The following FNDC3A variants were observed in gnomAD, a reference collection of about 807,000 sequenced individuals.
FNDC3A encodes the protein fibronectin type III domain containing 3A.
A neutral mutation model predicts 148.9 loss-of-function variants in FNDC3A; 32 were observed. The observed-to-expected ratio is 0.21, with a 90% CI of 0.16 to 0.29. FNDC3A has a LOEUF of 0.29. FNDC3A is among the 10% of genes least tolerant of loss of function. The pLI is 1.00. For missense variants in FNDC3A, 1,191 were observed against 1,452.8 expected, an observed-to-expected ratio of 0.82 and a Z score of 2.93; for synonymous variants, 472 against 473.6, an observed-to-expected ratio of 1.00 and a Z score of 0.04.
chr13:49,009,526 G>C (rs1952293358), intron 2 of FNDC3A, among the ~76,000 whole-genome samples: 1 of 152,296 alleles, frequency 6.6e-6, no homozygotes, highest in African/African-American at 2.4e-5. Context: ...TTAGTTTTGT[G>C]AGAAACTACC....
At position 49,030,459 on chromosome 13, in the gene FNDC3A, A is replaced by G. The variant is rs188564437; in HGVS notation, c.99+24170A>G. On this transcript the variant is annotated intron_variant, in intron 2 of 25. Transcript: ENST00000492622. ...ATGCTTTTCCTCTAAGATGAGAAACAAGATATGGATGTCCTGCTGTCACCA... is the reference window on the plus strand; with the variant it reads ...ATGCTTTTCCTCTAAGATGAGAAACGAGATATGGATGTCCTGCTGTCACCA... Among the ~76,000 whole-genome samples, 101 of 152,324 alleles carry G rather than the reference A, an allele frequency of 6.6e-4. 1 individual carries two copies. The East Asian group carries it at 0.018, about 26-fold the overall frequency.
chr13:48,992,807 A>G (rs2137570154), intron 1 of FNDC3A, among the ~76,000 whole-genome samples: 1 of 152,270 alleles, frequency 6.6e-6, no homozygotes, highest in East Asian at 1.9e-4. Context: ...ATTGCTTTCA[A>G]TTAAAAGTAC....
chr13:48,980,344 G>A (rs1928111), intron 1 of FNDC3A, among the ~76,000 whole-genome samples: 1 of 151,984 alleles, frequency 6.6e-6, no homozygotes, highest in South Asian at 2.1e-4. Flanking sequence ...TGACAACAGA[G>A]GAGCAGGCAG....
intron 4 of FNDC3A, among the ~76,000 whole-genome samples, chr13:49,119,260 G>A (rs1881174617): frequency 6.6e-6 from 1 of 152,174 alleles, no homozygotes; most frequent in South Asian, 2.1e-4. Flanking sequence ...TGCCGCAGAG[G>A]GGCCTGACTA....
At chr13:49,065,239 T>G (rs1343563018) in intron 2 of FNDC3A, among the ~76,000 whole-genome samples, 1 of 152,168 alleles carries the variant, frequency 6.6e-6, no homozygotes, top group Non-Finnish European at 1.5e-5. Flanking sequence ...TGTGGCATCT[T>G]CAGCAGAGTA....
intron 2 of FNDC3A, among the ~76,000 whole-genome samples, chr13:49,009,497 T>C (rs779949931): frequency 6.6e-6 from 1 of 152,196 alleles, no homozygotes; most frequent in Non-Finnish European, 1.5e-5. Context: ...GATTGCTAGA[T>C]TGTGCGGTAG....
intron 1 of FNDC3A, among the ~76,000 whole-genome samples, chr13:48,997,975 AAG>A: frequency 1.3e-5 from 2 of 152,096 alleles, no homozygotes; most frequent in Non-Finnish European, 1.5e-5. Context: ...ACAGAGAAAA[AAG>A]GAGAGCTGGA....
chr13:49,203,646 T>C lies in FNDC3A; in HGVS notation c.3282+362T>C, dbSNP rs181322805. Among the ~76,000 whole-genome samples, 363 of 152,162 alleles carry C rather than the reference T, an allele frequency of 2.4e-3. 2 individuals are homozygous for C. The highest frequency in any genetic ancestry group is 0.018 in the Admixed American group (278 of 15,274). On this transcript the variant is annotated intron_variant, in intron 25 of 25. Transcript: ENST00000492622. ...TAAGTGTAATGGAGAAAAAACAAAATTGGATAAAAGAAATAGGGAGTGGAG... is the reference window on the plus strand; with the variant it reads ...TAAGTGTAATGGAGAAAAAACAAAACTGGATAAAAGAAATAGGGAGTGGAG...
chr13:49,001,773 T>A (rs1249686706), intron 1 of FNDC3A, among the ~76,000 whole-genome samples: 1 of 152,212 alleles, frequency 6.6e-6, no homozygotes, highest in Non-Finnish European at 1.5e-5. Context: ...CCCTGTCTCC[T>A]GATAAGATGT....
intron 2 of FNDC3A, among the ~76,000 whole-genome samples, chr13:49,017,501 A>G (rs1009521467): frequency 6.6e-6 from 1 of 152,160 alleles, no homozygotes; most frequent in Admixed American, 6.5e-5. Context: ...GTGTCTCTGC[A>G]CATGAGATGG....
At chr13:49,019,065 G>A (rs1873075621) in intron 2 of FNDC3A, among the ~76,000 whole-genome samples, 2 of 152,262 alleles carry the variant, frequency 1.3e-5, no homozygotes, top group Admixed American at 6.5e-5. Context: ...GTTTGTCTGT[G>A]CCCTGCCCCC....
intron 1 of FNDC3A, among the ~76,000 whole-genome samples, chr13:48,983,502 A>C (rs916978771): frequency 3.9e-5 from 6 of 152,208 alleles, no homozygotes; most frequent in African/African-American, 1.4e-4. Context: ...AAACAGCCAT[A>C]GATAAATTAT....
intron 6 of FNDC3A, among the ~76,000 whole-genome samples, chr13:49,137,626 T>C: frequency 6.6e-6 from 1 of 152,236 alleles, no homozygotes; most frequent in South Asian, 2.1e-4. Context: ...ATTACAGGCA[T>C]GAGCCTACTA....
chr13:49,109,011 A>C (rs896176140), intron 3 of FNDC3A, among the ~76,000 whole-genome samples: 16 of 152,150 alleles, frequency 1.1e-4, no homozygotes, highest in African/African-American at 3.9e-4. Flanking sequence ...CATAGTTTAC[A>C]CTTTTTGAAA....
intron 14 of FNDC3A, among the ~76,000 whole-genome samples, chr13:49,179,168 C>T (rs1885180652): frequency 6.6e-6 from 1 of 152,052 alleles, no homozygotes; most frequent in Non-Finnish European, 1.5e-5. Context: ...ATTTAACAAC[C>T]AATTTATATG....
intron 7 of FNDC3A, among the ~76,000 whole-genome samples, chr13:49,141,031 A>AT (rs897326404): frequency 2.6e-5 from 4 of 152,218 alleles, no homozygotes; most frequent in African/African-American, 9.6e-5. Context: ...ACAAAAAAAA[A>AT]GGAAAGCAGA....
At chr13:49,026,823 A>C (rs1873748728) in intron 2 of FNDC3A, among the ~76,000 whole-genome samples, 1 of 152,222 alleles carries the variant, frequency 6.6e-6, no homozygotes, top group Admixed American at 6.5e-5. Flanking sequence ...AGTAGCCAAT[A>C]AAGTTTCTAA....
chr13:49,114,072 C>G (rs1880760773), intron 3 of FNDC3A, among the ~76,000 whole-genome samples: 1 of 152,104 alleles, frequency 6.6e-6, no homozygotes, highest in African/African-American at 2.4e-5. Flanking sequence ...TGGCATTTCT[C>G]TTTGTTCTTA....
intron 2 of FNDC3A, among the ~76,000 whole-genome samples, chr13:49,012,297 T>G (rs1475204002): frequency 2.0e-5 from 3 of 152,084 alleles, no homozygotes; most frequent in Non-Finnish European, 2.9e-5. Flanking sequence ...GTATTTTTAG[T>G]AGAGATGGGG....
Sources: allele counts gnomAD v4.1 joint callset (sites outside exome capture counted in the v4.1 genomes callset), GRCh38; gene constraint gnomAD v4.1.1; transcripts MANE v1.5; gene names NCBI Gene and HGNC (gene_info 2026-07-23, HGNC 2026-07-21).